The following UBA2 variants were observed in gnomAD, a reference collection of about 807,000 sequenced individuals.
UBA2 encodes the protein SUMO-activating enzyme subunit 2.
UBA2 carries 11 observed loss-of-function variants against 77.2 expected under a neutral mutation model. The observed-to-expected ratio is 0.14, with a 90% CI of 0.09 to 0.24. The LOEUF (loss-of-function observed/expected upper bound fraction) is 0.24, where lower values mean the gene tolerates loss of function less well. Ranked by LOEUF, UBA2 falls within the 10% of genes least tolerant of loss-of-function variation. The probability of loss-of-function intolerance (pLI) is 1.00; values close to 1 mark genes in which losing one functional copy is unlikely to be tolerated. For synonymous variants in UBA2, 278 were observed against 276.7 expected (o/e 1.00, Z -0.05); for missense variants, 487 against 781.7 (o/e 0.62, Z 4.50).
At chr19:34,450,605 G>A (rs903236288) in intron 9 of UBA2, among the ~76,000 whole-genome samples, 9 of 152,022 alleles carry the variant, frequency 5.9e-5, no homozygotes, top group Non-Finnish European at 1.0e-4. Context: ...TATACACTGC[G>A]TAAATGGAAT....
chr19:34,434,933 G>A lies in UBA2; in HGVS notation c.424G>A (p.Ala142Thr). Reference protein sequence around the residue: ...ADVPLIESGTAGYLGQVTTIK... With the variant: ...ADVPLIESGTTGYLGQVTTIK... ...TGTTCCTCTTATTGAAAGTGGAACA[G>A]CTGGGTATCTTGGACAAGTAACTAC... The change falls in exon 5 of 17, where the codon GCT becomes ACT. Residue 142 changes from alanine to threonine, a missense_variant. Around this residue, in one of 9 missense-constraint regions of UBA2, gnomAD observed 66 missense variants for 112.0 expected, o/e 0.59. Transcript: ENST00000246548. 6.2e-7 allele frequency: 1 copy of A among 1,609,740 alleles called. No homozygotes were observed. The highest frequency in any genetic ancestry group is 8.5e-7 in the Non-Finnish European group (1 of 1,178,114).
intron 8 of UBA2, among the ~76,000 whole-genome samples, chr19:34,446,597 CTTTTTTTTTTCTTTCTT>C (rs1199728372): frequency 1.0e-5 from 1 of 100,242 alleles, no homozygotes; most frequent in African/African-American, 2.9e-5. Flanking sequence ...CACATGTTGA[CTTTTTTTTTTCTTTCTT>C]TTTTTTTTTT....
intron 9 of UBA2, among the ~76,000 whole-genome samples, chr19:34,450,742 CTTTTTTTTTTTT>C (rs59580124): frequency 2.4e-5 from 2 of 83,402 alleles, no homozygotes; most frequent in East Asian, 4.2e-4. Flanking sequence ...TTATGTATAT[CTTTTTTTTTTTT>C]TTTTTTTTTT....
chr19:34,433,670 G>A (rs2075279034), intron 4 of UBA2, among the ~76,000 whole-genome samples: 1 of 152,174 alleles, frequency 6.6e-6, no homozygotes, highest in Non-Finnish European at 1.5e-5. Context: ...CTCAAAAAGT[G>A]TGACTGTGGC....
At position 34,466,866 on chromosome 19, in the gene UBA2, A is replaced by AC; in HGVS notation, c.1605-12_1605-11insC. 6.2e-7 allele frequency: 1 copy of AC among 1,611,936 alleles called. No individual in the cohort carries two copies. The highest frequency in any genetic ancestry group is 8.5e-7 in the Non-Finnish European group (1 of 1,179,604). On this transcript the variant is annotated splice_polypyrimidine_tract_variant and intron_variant, in intron 15 of 16. Coordinates refer to ENST00000246548, the MANE Select transcript of UBA2 (RefSeq NM_005499.3). ...AATAGTCATAGCAGTGACCTGTGTGATTCTCCTACAGTGAAGACCTAGGAA... is the reference window on the plus strand; with the variant it reads ...AATAGTCATAGCAGTGACCTGTGTGACTTCTCCTACAGTGAAGACCTAGGAA...
At chr19:34,445,341 TAA>T (rs552762770) in intron 8 of UBA2, among the ~76,000 whole-genome samples, 4 of 152,164 alleles carry the variant, frequency 2.6e-5, no homozygotes, top group Admixed American at 2.6e-4. Flanking sequence ...AAATAGGAGG[TAA>T]AATGAGAGGT....
intron 10 of UBA2, among the ~76,000 whole-genome samples, chr19:34,454,008 A>ATTAG (rs2075531248): frequency 6.6e-6 from 1 of 151,850 alleles, no homozygotes; most frequent in Non-Finnish European, 1.5e-5. Context: ...GAGTTCCTAG[A>ATTAG]AGCTGGTGAT....
At chr19:34,456,186 C>T (rs2075560929) in intron 12 of UBA2, among the ~76,000 whole-genome samples, 2 of 140,806 alleles carry the variant, frequency 1.4e-5, no homozygotes, top group Admixed American at 1.6e-4. Context: ...GTGATCTCGG[C>T]TCACTGCAAC....
At chr19:34,458,558 CAAAAAAAAAAAAAAAAAAA>C (rs60349858) in intron 12 of UBA2, among the ~76,000 whole-genome samples, 192 bp from the exon 13 acceptor site, 22 of 60,632 alleles carry the variant, frequency 3.6e-4, no homozygotes, top group South Asian at 1.8e-3. Context: ...GACTCCGTCT[CAAAAAAAAAAAAAAAAAAA>C]AAAAAAAAAA....
chr19:34,432,210 A>G (rs1162077465), intron 3 of UBA2, among the ~76,000 whole-genome samples: 2 of 152,232 alleles, frequency 1.3e-5, no homozygotes, highest in African/African-American at 2.4e-5. Context: ...ATTTTAAACT[A>G]TGAAATATCC....
At chr19:34,466,567 C>T (rs562899250) in intron 15 of UBA2, among the ~76,000 whole-genome samples, 1 of 151,994 alleles carries the variant, frequency 6.6e-6, no homozygotes, top group South Asian at 2.1e-4. Context: ...TGTTGTGTAC[C>T]GTCTTTTTTA....
intron 6 of UBA2, among the ~76,000 whole-genome samples, chr19:34,439,796 G>T (rs1288002893): frequency 6.6e-6 from 1 of 152,056 alleles, no homozygotes; most frequent in East Asian, 1.9e-4. Context: ...CTCCAGCCTG[G>T]GTGATAGTGA....
chr19:34,463,115 GA>G (rs2075650126), intron 14 of UBA2, among the ~76,000 whole-genome samples: 1 of 151,354 alleles, frequency 6.6e-6, no homozygotes, highest in Non-Finnish European at 1.5e-5. Context: ...AAAAAAGAAA[GA>G]AAATTAGTTA....
intron 5 of UBA2, among the ~76,000 whole-genome samples, chr19:34,435,675 C>T (rs1202245988): frequency 6.6e-6 from 1 of 151,892 alleles, no homozygotes; most frequent in African/African-American, 2.4e-5. Context: ...ACAAAAAATA[C>T]AAAAATTAGC....
chr19:34,462,042 G>A (rs1281366849), intron 14 of UBA2, among the ~76,000 whole-genome samples: 3 of 152,098 alleles, frequency 2.0e-5, no homozygotes, highest in African/African-American at 4.8e-5. Flanking sequence ...ATTTGGTTTC[G>A]CTGGAAGTTG....
intron 1 of UBA2, chr19:34,429,041 T>C: frequency 1.0e-6 from 1 of 985,402 alleles, no homozygotes; most frequent in East Asian, 1.1e-4. Flanking sequence ...CGAGCGGGTT[T>C]ACACACGGAA....
At chr19:34,455,294 A>T (rs1236410861) in intron 12 of UBA2, among the ~76,000 whole-genome samples, 1 of 152,100 alleles carries the variant, frequency 6.6e-6, no homozygotes, top group Non-Finnish European at 1.5e-5. Context: ...GTTTAAGATC[A>T]TTTTTATGGA....
intron 14 of UBA2, 82 bp from the exon 15 acceptor site, chr19:34,463,944 C>T: frequency 2.1e-6 from 2 of 954,236 alleles, no homozygotes; most frequent in South Asian, 1.3e-5. Context: ...CAGCCCATAA[C>T]AGAGGTTTAG....
intron 5 of UBA2, among the ~76,000 whole-genome samples, chr19:34,438,220 C>CA (rs35061343): frequency 0.1 from 13,434 of 133,906 alleles, 1,003 homozygotes; most frequent in African/African-American, 0.22. Flanking sequence ...TAGTTTTGCT[C>CA]AAAAAAAAAA....
Sources: gnomAD v4.1 joint callset for allele counts (sites outside exome capture counted in the v4.1 genomes callset) on GRCh38, gnomAD v4.1.1 for gene constraint, gnomAD v4.1.1 regional missense constraint, MANE v1.5 for transcripts, NCBI Gene and HGNC (gene_info 2026-07-23, HGNC 2026-07-21) for gene names.